Variants in FRMD4B observed in about 807,000 individuals in gnomAD.
FRMD4B encodes the protein FERM domain-containing protein 4B.
In FRMD4B, 74 loss-of-function variants were observed where a neutral mutation model predicts 141.5. That is an observed-to-expected ratio of 0.52 (90% CI 0.43 to 0.63). The LOEUF (loss-of-function observed/expected upper bound fraction) is 0.63. FRMD4B is among the 30% of genes least tolerant of loss of function. FRMD4B has a pLI of 0.00. For missense variants in FRMD4B, 1,366 were observed against 1,253.4 expected, an observed-to-expected ratio of 1.09 and a Z score of -1.36; for synonymous variants, 506 against 467.9, an observed-to-expected ratio of 1.08 and a Z score of -1.05.
chr3:69,505,936 T>A (rs2133343), intron 1 of FRMD4B, among the ~76,000 whole-genome samples: 1 of 151,998 alleles, frequency 6.6e-6, no homozygotes, highest in African/African-American at 2.4e-5. Flanking sequence ...ACAAATAGAA[T>A]GGTCTCTGCA....
At chr3:69,284,756 G>A (rs2093659362) in intron 5 of FRMD4B, among the ~76,000 whole-genome samples, 1 of 152,092 alleles carries the variant, frequency 6.6e-6, no homozygotes, top group Non-Finnish European at 1.5e-5. Flanking sequence ...CAGACATTAG[G>A]ATAAACAGAC....
intron 7 of FRMD4B, among the ~76,000 whole-genome samples, chr3:69,247,034 C>A (rs535272101): frequency 6.6e-6 from 1 of 152,296 alleles, no homozygotes; most frequent in South Asian, 2.1e-4. Context: ...ACAGCTTCTT[C>A]AGACCAACCT....
At chr3:69,327,734 A>G (rs890387877) in intron 1 of FRMD4B, among the ~76,000 whole-genome samples, 2 of 152,220 alleles carry the variant, frequency 1.3e-5, no homozygotes, top group Non-Finnish European at 2.9e-5. Flanking sequence ...ATATTTGGGT[A>G]AGGGTTTTAG....
chr3:69,496,631 GAGAGAA>G (rs1481178219), intron 1 of FRMD4B, among the ~76,000 whole-genome samples: 14 of 75,638 alleles, frequency 1.9e-4, no homozygotes, highest in East Asian at 3.7e-4. Flanking sequence ...GAGAGAGAGA[GAGAGAA>G]AGAGAGAGAG....
At chr3:69,540,186 G>A (rs1314670437) in intron 1 of FRMD4B, among the ~76,000 whole-genome samples, 9 of 150,488 alleles carry the variant, frequency 6.0e-5, no homozygotes, top group African/African-American at 7.3e-5. Flanking sequence ...GAGTTCGAAG[G>A]AAAAAAAAAG....
At chr3:69,175,426 C>G (rs930020894) in intron 22 of FRMD4B, among the ~76,000 whole-genome samples, 11 of 152,160 alleles carry the variant, frequency 7.2e-5, no homozygotes, top group Non-Finnish European at 1.6e-4. Context: ...ACAAATTGCT[C>G]TTGTACATTT....
At chr3:69,251,445 G>T (rs1363993486) in intron 5 of FRMD4B, among the ~76,000 whole-genome samples, 5 of 151,886 alleles carry the variant, frequency 3.3e-5, no homozygotes, top group African/African-American at 9.7e-5. Context: ...ATTTGAAGAG[G>T]GTTCTCAAAA....
rs199948651 is a variant in FRMD4B, at chr3:69,539,090, CGA to C, written c.-129+3114_-129+3115del. Among the ~76,000 whole-genome samples, 1,279 of 152,240 alleles carry C rather than the reference CGA, an allele frequency of 8.4e-3. 15 individuals are homozygous for C. Among genetic ancestry groups the C allele is most frequent in the African/African-American group, 0.028 (1,171 of 41,524 alleles). On this transcript the variant is annotated intron_variant, in intron 1 of 5. Coordinates refer to the FRMD4B transcript ENST00000459638. ...GGCAGATTTAAAGGGAGAGATAGAG[CGA>C]GAGATCACTTGCAGTATAAGCCTCA...
chr3:69,422,834 C>T (rs576089570), intron 2 of FRMD4B, among the ~76,000 whole-genome samples: 13 of 152,034 alleles, frequency 8.6e-5, no homozygotes, highest in Non-Finnish European at 1.8e-4. Context: ...AGGACGGTAG[C>T]AAAACAGGCA....
rs111290559 is a variant in FRMD4B at position 69,307,422 on chromosome 3, C to G, written c.323+3841G>C. ...GTGGCACAATCTCGGTTCACTGCAACCTCCACCTCCTGGGTTTAAGTGATC... is the reference window on the plus strand; with the variant it reads ...GTGGCACAATCTCGGTTCACTGCAAGCTCCACCTCCTGGGTTTAAGTGATC... On this transcript the variant is annotated intron_variant, in intron 3 of 22. Transcript: ENST00000398540. 7.3e-3 allele frequency among the ~76,000 whole-genome samples: 1,106 copies of G among 152,210 alleles called. 10 individuals are homozygous for G. The highest frequency in any genetic ancestry group is 0.025 in the African/African-American group (1,056 of 41,532).
At chr3:69,322,564 G>A (rs911893612) in intron 1 of FRMD4B, among the ~76,000 whole-genome samples, 5 of 151,400 alleles carry the variant, frequency 3.3e-5, no homozygotes, top group African/African-American at 2.4e-5. Context: ...CCCTACCAGG[G>A]AGAGTCATTG....
At chr3:69,410,076 A>G (rs1250990826) in intron 2 of FRMD4B, among the ~76,000 whole-genome samples, 4 of 152,168 alleles carry the variant, frequency 2.6e-5, no homozygotes, top group African/African-American at 9.7e-5. Context: ...TTTCCTGACA[A>G]CAAACACAAT....
intron 1 of FRMD4B, among the ~76,000 whole-genome samples, chr3:69,351,189 T>C (rs1234913103): frequency 2.0e-5 from 3 of 152,198 alleles, no homozygotes; most frequent in Non-Finnish European, 4.4e-5. Context: ...CATAAACATA[T>C]ATTAATGTAT....
chr3:69,182,468 A>G, intron 20 of FRMD4B, 130 bp downstream of exon 20: 1 of 805,444 alleles, frequency 1.2e-6, no homozygotes, highest in Non-Finnish European at 1.9e-6. Flanking sequence ...GTTAGCAGAA[A>G]ATGTAAAACC....
chr3:69,188,061 CTCTT>C (rs2092789459), intron 18 of FRMD4B, 144 bp from the exon 19 acceptor site: 1 of 635,598 alleles, frequency 1.6e-6, no homozygotes, highest in Non-Finnish European at 2.8e-6. Flanking sequence ...AAGAACATAA[CTCTT>C]TCAAGAAGTT....
At chr3:69,213,661 A>ATT (rs11322872) in intron 11 of FRMD4B, among the ~76,000 whole-genome samples, 15,789 of 132,260 alleles carry the variant, frequency 0.12, 1,089 homozygotes, top group East Asian at 0.35. Context: ...GTTTTCATTG[A>ATT]TTTTTTTTTT....
At chr3:69,435,208 G>A (rs1341024698) in intron 1 of FRMD4B, among the ~76,000 whole-genome samples, 1 of 152,178 alleles carries the variant, frequency 6.6e-6, no homozygotes, top group African/African-American at 2.4e-5. Flanking sequence ...CACTCACCAA[G>A]TGACTAGTTC....
chr3:69,216,185 T>A, intron 11 of FRMD4B, 78 bp downstream of exon 11: 1 of 801,496 alleles, frequency 1.2e-6, no homozygotes, highest in Non-Finnish European at 2.1e-6. Context: ...AACAACCTAA[T>A]GGTGTGTGCT....
intron 3 of FRMD4B, among the ~76,000 whole-genome samples, chr3:69,309,699 G>T (rs187194402): frequency 1.4e-3 from 214 of 148,756 alleles, no homozygotes; most frequent in Non-Finnish European, 2.3e-3. Context: ...TGCCCATCTC[G>T]GCCCTCCAAA....
Sources: gnomAD v4.1 joint callset for allele counts (sites outside exome capture counted in the v4.1 genomes callset) on GRCh38, gnomAD v4.1.1 for gene constraint, MANE v1.5 for transcripts, NCBI Gene and HGNC (gene_info 2026-07-23, HGNC 2026-07-21) for gene names.